PCDHGB3: variants seen among roughly 807,000 people sequenced by gnomAD.
PCDHGB3 encodes protocadherin gamma subfamily B, 3, also known as protocadherin gamma-B3.
PCDHGB3 carries 40 observed loss-of-function variants against 59.2 expected under a neutral mutation model. The observed-to-expected ratio is 0.68, with a 90% CI of 0.52 to 0.88. PCDHGB3 has a LOEUF of 0.88. Ranked by LOEUF, PCDHGB3 falls within the 40% of genes least tolerant of loss-of-function variation. The pLI is 0.00. For missense variants in PCDHGB3, 1,309 were observed against 1,187.9 expected (o/e 1.10, Z -1.50); for synonymous variants, 581 against 503.6 (o/e 1.15, Z -2.06).
At chr5:141,437,654 A>C (rs185455660) in intron 1 of PCDHGB3, among the ~76,000 whole-genome samples, 1 of 152,256 alleles carries the variant, frequency 6.6e-6, no homozygotes, top group African/African-American at 2.4e-5. Context: ...GCAAACACAT[A>C]GTTTCGAAGA....
chr5:141,432,506 G>A lies in PCDHGB3; in HGVS notation c.2415+59697G>A. 3 of 1,614,140 alleles carry A rather than the reference G, an allele frequency of 1.9e-6. No homozygotes were observed. Among genetic ancestry groups the A allele is most frequent in the Non-Finnish European group, 2.5e-6 (3 of 1,180,036 alleles). On this transcript the variant is annotated intron_variant, in intron 1 of 3. Transcript: ENST00000576222. This position sits in a 1 kb window ranked among gnomAD's most constrained non-coding sequence, Gnocchi z 6.0. ...CGTGGAGCTGGCTCCCCGCTCCGCA[G>A]AGCCCGGCTACCTGGTGACCAAGGT... is the stretch of plus-strand genomic sequence containing the variant.
chr5:141,383,197 G>C lies in PCDHGB3; in HGVS notation c.2415+10388G>C, dbSNP rs184479480. ...CCGGGAAGAGATCTGCGCTCAGAGTGCGCGGTGTCTGGTAAACTTTAACAT... is the reference window on the plus strand; with the variant it reads ...CCGGGAAGAGATCTGCGCTCAGAGTCCGCGGTGTCTGGTAAACTTTAACAT... On this transcript the variant is annotated intron_variant, in intron 1 of 3. Transcript: ENST00000576222. 7.4e-4 allele frequency: 1,202 copies of C among 1,614,034 alleles called. 10 individuals are homozygous for C. The African/African-American group carries it at 0.015, about 20-fold the overall frequency.
Position 141,491,045 on chromosome 5 carries a change from A to G in PCDHGB3, c.2416-3762A>G, listed in dbSNP as rs1452139285. 2 of 1,613,970 alleles carry G rather than the reference A, an allele frequency of 1.2e-6. No individual in the cohort carries two copies. The highest frequency in any genetic ancestry group is 1.1e-5 in the South Asian group (1 of 91,090). On this transcript the variant is annotated intron_variant, in intron 1 of 3. Coordinates refer to ENST00000576222, the MANE Select transcript of PCDHGB3 (RefSeq NM_018924.5). This position sits in a 1 kb window ranked among gnomAD's most constrained non-coding sequence, Gnocchi z 6.9. ...GCCGTGGATGCTGATGCAGGCCACA[A>G]TGCGTGGCTCTCCTACTCACTGTTG...
intron 1 of PCDHGB3, among the ~76,000 whole-genome samples, chr5:141,442,736 A>C (rs2098340663): frequency 6.6e-6 from 1 of 152,226 alleles, no homozygotes; most frequent in African/African-American, 2.4e-5. Flanking sequence ...CCTGTAGGTA[A>C]GGAGCATGTT....
intron 2 of PCDHGB3, among the ~76,000 whole-genome samples, chr5:141,503,595 G>A (rs6892628): frequency 7.1e-6 from 1 of 140,086 alleles, no homozygotes. Context: ...CGAGACTCCA[G>A]CTCAAAAAAA....
chr5:141,439,697 A>T (rs2098127217), intron 1 of PCDHGB3, among the ~76,000 whole-genome samples: 1 of 152,218 alleles, frequency 6.6e-6, no homozygotes, highest in Non-Finnish European at 1.5e-5. Flanking sequence ...CAACATTCCT[A>T]TTATGGCTCC....
chr5:141,374,326 C>A, intron 1 of PCDHGB3: 1 of 1,613,980 alleles, frequency 6.2e-7, no homozygotes, highest in Non-Finnish European at 8.5e-7. Context: ...ATCCGCGAAA[C>A]GGCAGCTTGG....
At chr5:141,420,558 C>T (rs1373350109) in intron 1 of PCDHGB3, 1 of 248,240 alleles carries the variant, frequency 4.0e-6, no homozygotes, top group Non-Finnish European at 7.5e-6. Flanking sequence ...TATATTTTTA[C>T]GGCATGGTAT....
intron 1 of PCDHGB3, chr5:141,394,651 A>G: frequency 6.2e-7 from 1 of 1,611,802 alleles, no homozygotes; most frequent in Admixed American, 1.7e-5. Flanking sequence ...AAGGCCAGCG[A>G]GCCGGGACTC....
chr5:141,438,638 A>G (rs1192725978), intron 1 of PCDHGB3, among the ~76,000 whole-genome samples: 1 of 22,806 alleles, frequency 4.4e-5, no homozygotes, highest in East Asian at 1.6e-3. Flanking sequence ...ATATATATAC[A>G]CACACACACA....
rs755090005 is a variant in PCDHGB3, at chr5:141,388,852, G to A, written c.2415+16043G>A. 1.9e-5 allele frequency: 31 copies of A among 1,613,990 alleles called. 1 individual carries two copies. The South Asian group carries it at 3.0e-4, about 15-fold the overall frequency. On this transcript the variant is annotated intron_variant, in intron 1 of 3. Coordinates refer to ENST00000576222, the MANE Select transcript of PCDHGB3 (RefSeq NM_018924.5). ...ATAGTTTTGGAAGCAAGGGACGGTG[G>A]AGGAATGATTGCGCAATGCACAGTG...
Position 141,490,911 on chromosome 5 carries a change from G to C in PCDHGB3, c.2416-3896G>C. On this transcript the variant is annotated intron_variant, in intron 1 of 3. Coordinates refer to ENST00000576222, the MANE Select transcript of PCDHGB3 (RefSeq NM_018924.5). The surrounding 1 kb of genome is among the most constrained non-coding windows in gnomAD (Gnocchi z 5.4). ...CTCTGCATGTGTTTGTCCTAGACGA[G>C]AATGATAATGCCCCAGCTGTGCTGC... is the stretch of plus-strand genomic sequence containing the variant. The C allele has an allele frequency of 6.2e-7, 1 of 1,613,722 alleles. No homozygotes were observed. Among genetic ancestry groups the C allele is most frequent in the East Asian group, 2.2e-5 (1 of 44,870 alleles).
Position 141,491,900 on chromosome 5 carries a change from G to A in PCDHGB3, c.2416-2907G>A, listed in dbSNP as rs1268804496. 7.0e-7 allele frequency: 1 copy of A among 1,429,818 alleles called. No individual in the cohort carries two copies. Among genetic ancestry groups the A allele is most frequent in the East Asian group, 2.5e-5 (1 of 39,444 alleles). The allele number at this position is 1,429,818 out of a possible 1,614,324, so 88.6% of individuals were successfully genotyped here. A position where few individuals can be genotyped will look rare whatever the true frequency, so the allele number is the denominator to read the frequency against. ...TAAGGGATGGGGCTCCGAGCACCGGGGGTGGTGGCGACTGTGGGCGAGGGG... is the reference window on the plus strand; with the variant it reads ...TAAGGGATGGGGCTCCGAGCACCGGAGGTGGTGGCGACTGTGGGCGAGGGG... On this transcript the variant is annotated intron_variant, in intron 1 of 3. Coordinates refer to ENST00000576222, the MANE Select transcript of PCDHGB3 (RefSeq NM_018924.5). This position sits in a 1 kb window ranked among gnomAD's most constrained non-coding sequence, Gnocchi z 6.9.
At position 141,419,268 on chromosome 5, in the gene PCDHGB3, C is replaced by T. The variant is rs1240259934; in HGVS notation, c.2415+46459C>T. 6.2e-6 allele frequency: 10 copies of T among 1,614,050 alleles called. No homozygotes were observed. The East Asian group carries it at 2.2e-4, about 36-fold the overall frequency. ...CCAGAAAACAACCAGCCGGGTGCCT[C>T]CATAGCGCAAGTCAGTGCCTCTGAC... is the stretch of plus-strand genomic sequence containing the variant. On this transcript the variant is annotated intron_variant, in intron 1 of 3. Transcript: ENST00000576222.
chr5:141,375,003 T>C lies in PCDHGB3; in HGVS notation c.2415+2194T>C, dbSNP rs376283841. The C allele has an allele frequency of 7.7e-5, 124 of 1,613,936 alleles. No individual in the cohort carries two copies. Among genetic ancestry groups the C allele is most frequent in the Non-Finnish European group, 1.0e-4 (120 of 1,179,910 alleles). The stretch of plus-strand genomic sequence containing the variant: ...GGAGAAATTTCAACTTCTGCAAATC[T>C]AGACTATGAGGACTCGAGTTTTTAT... On this transcript the variant is annotated intron_variant, in intron 1 of 3. Transcript: ENST00000576222.
Position 141,489,624 on chromosome 5 carries a change from C to T in PCDHGB3, c.2416-5183C>T. 1 of 1,614,088 alleles carries T rather than the reference C, an allele frequency of 6.2e-7. No homozygotes were observed. On this transcript the variant is annotated intron_variant, in intron 1 of 3. Transcript: ENST00000576222. The surrounding 1 kb of genome is among the most constrained non-coding windows in gnomAD (Gnocchi z 4.5). Reference sequence around the variant, plus strand: ...AGGTAGAGATCCTGGATCTCAATGACAACTCTCCTAGCTTTGCCACCCCTG... The same window carrying T: ...AGGTAGAGATCCTGGATCTCAATGATAACTCTCCTAGCTTTGCCACCCCTG...
At chr5:141,417,680 A>G (rs1236124418) in intron 1 of PCDHGB3, 21 of 1,016,072 alleles carry the variant, frequency 2.1e-5, no homozygotes, top group Non-Finnish European at 2.9e-5. Context: ...AGCCAACAAC[A>G]GAAAAGAAAA....
chr5:141,409,903 G>A (rs570063514), intron 1 of PCDHGB3: 1 of 1,613,268 alleles, frequency 6.2e-7, no homozygotes, highest in Non-Finnish European at 8.5e-7. Flanking sequence ...ACCCAGCTCT[G>A]GGTCCTGACG....
rs139344941 is a variant in PCDHGB3, at chr5:141,480,950, C to T, written c.2416-13857C>T. Among the ~76,000 whole-genome samples the T allele has an allele frequency of 6.7e-3, 1,016 of 152,086 alleles. 11 individuals carry two copies. Among genetic ancestry groups the T allele is most frequent in the African/African-American group, 0.023 (953 of 41,456 alleles). On this transcript the variant is annotated intron_variant, in intron 1 of 3. Transcript: ENST00000576222. ...GTCCCAGCTACTCTAGAGGCTGAGG[C>T]GGAAGCATCAGTGAGGGAGAATCAG...
Sources: allele counts gnomAD v4.1 joint callset (sites outside exome capture counted in the v4.1 genomes callset), GRCh38; gene constraint gnomAD v4.1.1; non-coding constraint Gnocchi (gnomAD v3.1); transcripts MANE v1.5; gene names NCBI Gene and HGNC (gene_info 2026-07-23, HGNC 2026-07-21).